The following SGCZ variants were observed in gnomAD, a reference collection of about 807,000 sequenced individuals.
The protein encoded by SGCZ is zeta-sarcoglycan.
SGCZ carries 40 observed loss-of-function variants against 41.3 expected under a neutral mutation model. The ratio of observed to expected loss-of-function variants is 0.97; its 90% CI spans 0.75 to 1.26. The LOEUF (loss-of-function observed/expected upper bound fraction) is 1.26. SGCZ is among the 50% of genes most tolerant of loss of function. The probability of loss-of-function intolerance (pLI) is 0.00; values close to 1 mark genes in which losing one functional copy is unlikely to be tolerated. For synonymous variants in SGCZ, 206 were observed against 137.5 expected, an observed-to-expected ratio of 1.50 and a Z score of -3.49; for missense variants, 552 against 369.8, an observed-to-expected ratio of 1.49 and a Z score of -4.04.
intron 4 of SGCZ, among the ~76,000 whole-genome samples, chr8:14,193,001 T>C (rs948988388): frequency 2.0e-5 from 3 of 152,004 alleles, no homozygotes; most frequent in African/African-American, 7.2e-5. Flanking sequence ...AAAGCTTTTC[T>C]AAATATACAA....
Position 14,106,395 on chromosome 8 carries a change from T to C in SGCZ, c.620+1768A>G, listed in dbSNP as rs188933799. On this transcript the variant is annotated intron_variant, in intron 6 of 7. Transcript: ENST00000382080. ...CACTGCTGAATCCCTAGGGTTTCTA[T>C]ATAGAGTAGGTAATTATCATGTTGC... 4.6e-4 allele frequency among the ~76,000 whole-genome samples: 70 copies of C among 152,336 alleles called. 1 individual carries two copies. In the East Asian group the frequency reaches 0.012, roughly 26 times the overall value.
At chr8:14,195,996 T>C (rs1253858856) in intron 4 of SGCZ, among the ~76,000 whole-genome samples, 1 of 152,082 alleles carries the variant, frequency 6.6e-6, no homozygotes, top group Admixed American at 6.6e-5. Flanking sequence ...GTAAACACAA[T>C]TTTCTTATTA....
intron 2 of SGCZ, among the ~76,000 whole-genome samples, chr8:14,365,542 GT>G (rs1803671937): frequency 6.6e-6 from 1 of 151,972 alleles, no homozygotes; most frequent in Non-Finnish European, 1.5e-5. Context: ...TTTGTCTCAG[GT>G]TTTGGCAACT....
intron 2 of SGCZ, among the ~76,000 whole-genome samples, chr8:14,345,762 A>G (rs764400066): frequency 2.0e-5 from 3 of 152,116 alleles, no homozygotes; most frequent in African/African-American, 4.8e-5. Context: ...ATTGACTTCA[A>G]TGGAAAGAAA....
At chr8:15,165,589 C>A (rs528316524) in intron 1 of SGCZ, among the ~76,000 whole-genome samples, 1 of 152,276 alleles carries the variant, frequency 6.6e-6, no homozygotes, top group East Asian at 1.9e-4. Context: ...ACAATTAAAG[C>A]AACTTACCAA....
intron 2 of SGCZ, among the ~76,000 whole-genome samples, chr8:14,506,014 T>A (rs997163124): frequency 3.9e-5 from 6 of 152,060 alleles, no homozygotes; most frequent in Non-Finnish European, 8.8e-5. Flanking sequence ...CATTCTTCTT[T>A]TTTTTTTCAT....
intron 1 of SGCZ, among the ~76,000 whole-genome samples, chr8:15,057,754 A>G (rs912513964): frequency 2.6e-5 from 4 of 152,210 alleles, no homozygotes; most frequent in Non-Finnish European, 5.9e-5. Flanking sequence ...CCTGGGCCTC[A>G]GTTTTTTCAC....
At chr8:14,441,070 C>T (rs1342663986) in intron 2 of SGCZ, among the ~76,000 whole-genome samples, 1 of 152,116 alleles carries the variant, frequency 6.6e-6, no homozygotes, top group Non-Finnish European at 1.5e-5. Flanking sequence ...TTCAGGGGTG[C>T]ACTGATACAG....
At chr8:14,645,092 G>A (rs994159723) in intron 1 of SGCZ, among the ~76,000 whole-genome samples, 1 of 151,444 alleles carries the variant, frequency 6.6e-6, no homozygotes. Context: ...AAGCATCCCA[G>A]GGCATAAAAG....
chr8:14,512,978 C>A (rs574324443), intron 2 of SGCZ, among the ~76,000 whole-genome samples: 1 of 152,244 alleles, frequency 6.6e-6, no homozygotes, highest in Admixed American at 6.5e-5. Context: ...AAGATCCACA[C>A]TAATTATTCA....
At chr8:15,040,669 T>C (rs1454397750) in intron 1 of SGCZ, among the ~76,000 whole-genome samples, 1 of 152,166 alleles carries the variant, frequency 6.6e-6, no homozygotes, top group Non-Finnish European at 1.5e-5. Context: ...TATGATTATA[T>C]TTAGTTGATC....
intron 1 of SGCZ, among the ~76,000 whole-genome samples, chr8:14,939,028 C>T (rs996908498): frequency 1.3e-5 from 2 of 152,104 alleles, no homozygotes; most frequent in Non-Finnish European, 2.9e-5. Context: ...ACAGCAGCTA[C>T]TCCATGGAGT....
At chr8:14,367,582 T>C (rs1354405079) in intron 2 of SGCZ, among the ~76,000 whole-genome samples, 1 of 152,058 alleles carries the variant, frequency 6.6e-6, no homozygotes, top group Non-Finnish European at 1.5e-5. Flanking sequence ...AAACTTATAA[T>C]CATGGCAGAA....
intron 1 of SGCZ, among the ~76,000 whole-genome samples, chr8:14,818,279 C>T (rs1801967156): frequency 6.6e-6 from 1 of 152,170 alleles, no homozygotes; most frequent in Admixed American, 6.5e-5. Flanking sequence ...GGCCTGACGA[C>T]TAACCTGATA....
chr8:14,227,187 C>A (rs1311304465), intron 4 of SGCZ, among the ~76,000 whole-genome samples: 2 of 152,028 alleles, frequency 1.3e-5, no homozygotes, highest in Non-Finnish European at 2.9e-5. Flanking sequence ...GAGTGGCAGG[C>A]TGGTCTCTGA....
chr8:14,115,935 G>C (rs1384676942), intron 5 of SGCZ, among the ~76,000 whole-genome samples: 1 of 151,970 alleles, frequency 6.6e-6, no homozygotes, highest in Non-Finnish European at 1.5e-5. Flanking sequence ...CATAAAGGGA[G>C]AAACTGTGTT....
chr8:14,199,987 G>A (rs1197852936), intron 4 of SGCZ, among the ~76,000 whole-genome samples: 1 of 152,112 alleles, frequency 6.6e-6, no homozygotes, highest in Non-Finnish European at 1.5e-5. Flanking sequence ...CAATTAAGAT[G>A]AAAAAGACAT....
chr8:15,068,828 A>C (rs767537055), intron 1 of SGCZ, among the ~76,000 whole-genome samples: 2 of 152,148 alleles, frequency 1.3e-5, no homozygotes, highest in African/African-American at 2.4e-5. Context: ...ACCCAATTAA[A>C]CCCAGCAAAC....
chr8:14,613,780 G>C (rs1806007062), intron 1 of SGCZ, among the ~76,000 whole-genome samples: 1 of 151,996 alleles, frequency 6.6e-6, no homozygotes, highest in Non-Finnish European at 1.5e-5. Context: ...GATTAAACAG[G>C]GGTTTAATGA....
Sources: allele counts gnomAD v4.1 joint callset (sites outside exome capture counted in the v4.1 genomes callset), GRCh38; gene constraint gnomAD v4.1.1; transcripts MANE v1.5; gene names NCBI Gene and HGNC (gene_info 2026-07-23, HGNC 2026-07-21).